The following CCDC102B variants were observed in gnomAD, a reference collection of about 807,000 sequenced individuals.
CCDC102B encodes coiled-coil domain-containing protein 102B.
In CCDC102B, 75 loss-of-function variants were observed where a neutral mutation model predicts 57.4. The ratio of observed to expected loss-of-function variants is 1.31; its 90% confidence interval spans 1.08 to 1.58. The LOEUF (loss-of-function observed/expected upper bound fraction) is 1.58. Among genes scored for constraint, CCDC102B ranks in the 40% most tolerant of loss-of-function variants. The probability of loss-of-function intolerance (pLI) is 0.00; values close to 1 mark genes in which losing one functional copy is unlikely to be tolerated. For missense variants in CCDC102B, 636 were observed against 582.6 expected (o/e 1.09, Z -0.94); for synonymous variants, 206 against 201.9 (o/e 1.02, Z -0.17).
intron 2 of CCDC102B, among the ~76,000 whole-genome samples, chr18:68,767,427 T>A (rs1253025825): frequency 6.6e-6 from 1 of 152,220 alleles, no homozygotes; most frequent in Non-Finnish European, 1.5e-5. Flanking sequence ...GAGCCCTCAC[T>A]AAGAAGGAAT....
At chr18:68,715,969 A>G (rs1006740812) in intron 1 of CCDC102B, among the ~76,000 whole-genome samples, 2 of 152,206 alleles carry the variant, frequency 1.3e-5, no homozygotes, top group African/African-American at 4.8e-5. Context: ...AAAATGTCAT[A>G]AAACGTCGTT....
At chr18:69,031,717 GGAA>G (rs1250394022) in intron 7 of CCDC102B, among the ~76,000 whole-genome samples, 2 of 151,996 alleles carry the variant, frequency 1.3e-5, no homozygotes, top group East Asian at 3.9e-4. Context: ...TCCCCTTTGT[GGAA>G]GAAGATTTCT....
chr18:68,873,919 T>C (rs949537724), intron 4 of CCDC102B, among the ~76,000 whole-genome samples: 4 of 151,600 alleles, frequency 2.6e-5, no homozygotes, highest in Admixed American at 2.6e-4. Context: ...AAAACATAGC[T>C]TAAAATATAT....
At chr18:68,990,235 A>C (rs886399055) in intron 6 of CCDC102B, among the ~76,000 whole-genome samples, 2 of 152,160 alleles carry the variant, frequency 1.3e-5, no homozygotes, top group African/African-American at 4.8e-5. Context: ...ATTTGGCTAC[A>C]TGTAGGGGCC....
At chr18:68,746,093 A>G (rs1171110850) in intron 2 of CCDC102B, among the ~76,000 whole-genome samples, 1 of 152,224 alleles carries the variant, frequency 6.6e-6, no homozygotes, top group East Asian at 1.9e-4. Context: ...TTACTAATTT[A>G]TAGCAAATTT....
intron 6 of CCDC102B, among the ~76,000 whole-genome samples, chr18:68,967,366 A>C (rs2050190648): frequency 6.6e-6 from 1 of 152,200 alleles, no homozygotes; most frequent in Non-Finnish European, 1.5e-5. Context: ...CCTGATACAA[A>C]GGAGGATTTT....
chr18:68,956,534 ATATTTTATATATAT>A lies in CCDC102B; in HGVS notation c.1264-54399_1264-54386del, dbSNP rs1460029098. Reference sequence around the variant, plus strand: ...ATATATCGCATATTATATATATTATATATTTTATATATATAAATATTATATATATTATATATTTT... The same window carrying A: ...ATATATCGCATATTATATATATTATAAAATATTATATATATTATATATTTT... On this transcript the variant is annotated intron_variant, in intron 6 of 7. Coordinates refer to ENST00000360242, the MANE Select transcript of CCDC102B (RefSeq NM_024781.3). 4.8e-3 allele frequency among the ~76,000 whole-genome samples: 41 copies of A among 8,546 alleles called. 2 individuals are homozygous for A. Among genetic ancestry groups the A allele is most frequent in the African/African-American group, 0.02 (40 of 2,028 alleles). The allele number at this position is 8,546 out of a possible 152,430, so 5.6% of individuals were successfully genotyped here. A position where few individuals can be genotyped will look rare whatever the true frequency, so the allele number is the denominator to read the frequency against.
In CCDC102B at chr18:68,884,739, A is replaced by T. The variant is rs566879865; in HGVS notation, c.1053+9954A>T. ...ATTATATATTATTATATTCATTATA[A>T]TATATTTATATATATTTATATATGT... On this transcript the variant is annotated intron_variant, in intron 5 of 7. Transcript: ENST00000360242. 1.5e-3 allele frequency among the ~76,000 whole-genome samples: 222 copies of T among 148,210 alleles called. 1 individual carries two copies. The highest frequency in any genetic ancestry group is 5.3e-3 in the African/African-American group (215 of 40,838).
At chr18:68,874,630 A>G (rs749477681) in intron 4 of CCDC102B, 39 bp from the exon 5 acceptor site, 19 of 1,312,406 alleles carry the variant, frequency 1.4e-5, no homozygotes, top group Non-Finnish European at 1.8e-5. Flanking sequence ...ACCACCCTAT[A>G]TAGCATCCTG....
chr18:69,006,286 A>G (rs1246089335), intron 6 of CCDC102B, among the ~76,000 whole-genome samples: 1 of 152,186 alleles, frequency 6.6e-6, no homozygotes, highest in East Asian at 1.9e-4. Flanking sequence ...ACTATTTACT[A>G]TAACACGTAC....
At chr18:68,943,460 T>G (rs2049443573) in intron 6 of CCDC102B, among the ~76,000 whole-genome samples, 1 of 152,262 alleles carries the variant, frequency 6.6e-6, no homozygotes. Flanking sequence ...AGAGCATATT[T>G]TCATGTCTGT....
chr18:68,904,240 A>G (rs1258624982), intron 6 of CCDC102B, among the ~76,000 whole-genome samples: 2 of 152,164 alleles, frequency 1.3e-5, no homozygotes, highest in East Asian at 3.8e-4. Flanking sequence ...AGCTGTTAAT[A>G]AAAATTTACG....
intron 7 of CCDC102B, among the ~76,000 whole-genome samples, chr18:69,014,708 T>TGTG (rs1193024769): frequency 6.6e-6 from 1 of 151,744 alleles, no homozygotes; most frequent in African/African-American, 2.4e-5. Flanking sequence ...GGTGTTTTTT[T>TGTG]TGTGTGTGTG....
intron 5 of CCDC102B, among the ~76,000 whole-genome samples, chr18:68,885,803 T>C (rs2039863363): frequency 6.6e-6 from 1 of 152,086 alleles, no homozygotes. Context: ...ACAAGAGTAT[T>C]TCCAGGATTA....
chr18:68,968,866 A>T (rs997266942), intron 6 of CCDC102B, among the ~76,000 whole-genome samples: 6 of 152,120 alleles, frequency 3.9e-5, no homozygotes, highest in African/African-American at 1.4e-4. Flanking sequence ...CCCTAATAGT[A>T]GGATTTCTTT....
intron 7 of CCDC102B, among the ~76,000 whole-genome samples, chr18:69,027,081 G>A (rs565816368): frequency 3.9e-5 from 6 of 152,208 alleles, no homozygotes; most frequent in South Asian, 4.1e-4. Flanking sequence ...AGTATCATTC[G>A]GAGCTAATAC....
At chr18:68,849,116 T>C (rs998562577) in intron 4 of CCDC102B, among the ~76,000 whole-genome samples, 3 of 152,086 alleles carry the variant, frequency 2.0e-5, no homozygotes, top group Non-Finnish European at 4.4e-5. Context: ...ATGGCTTACA[T>C]TGAAGCCTTA....
chr18:68,936,832 TATATAC>T (rs2049254829), intron 6 of CCDC102B, among the ~76,000 whole-genome samples: 1 of 150,504 alleles, frequency 6.6e-6, no homozygotes, highest in Non-Finnish European at 1.5e-5. Flanking sequence ...CACATATACA[TATATAC>T]ATATATAATA....
At chr18:68,850,589 G>A (rs369411673) in intron 4 of CCDC102B, among the ~76,000 whole-genome samples, 1 of 152,096 alleles carries the variant, frequency 6.6e-6, no homozygotes, top group Non-Finnish European at 1.5e-5. Flanking sequence ...AGAGTGTTAC[G>A]AGAGCAGCTG....
Sources: allele counts gnomAD v4.1 joint callset (sites outside exome capture counted in the v4.1 genomes callset), GRCh38; gene constraint gnomAD v4.1.1; transcripts MANE v1.5; gene names NCBI Gene and HGNC (gene_info 2026-07-23, HGNC 2026-07-21).